The following RNF144B variants were observed in gnomAD, a reference collection of about 807,000 sequenced individuals.
The protein encoded by RNF144B is E3 ubiquitin-protein ligase RNF144B.
In RNF144B, 25 loss-of-function variants were observed where a neutral mutation model predicts 40.2. The observed-to-expected ratio is 0.62, with a 90% CI of 0.45 to 0.87. The LOEUF is 0.87. Among genes scored for constraint, RNF144B ranks in the 40% least tolerant of loss-of-function variants. RNF144B has a pLI of 0.00. For missense variants in RNF144B, 365 were observed against 373.7 expected, an observed-to-expected ratio of 0.98 and a Z score of 0.19; for synonymous variants, 145 against 136.3, an observed-to-expected ratio of 1.06 and a Z score of -0.44.
At position 18,463,277 on chromosome 6, in the gene RNF144B, T is replaced by C; in HGVS notation, c.682-14T>C. ...AACTGCATATTTACTGAAATCAATCTTTTTATTTTTCAGAATGACATTTTC... is the reference window on the plus strand; with the variant it reads ...AACTGCATATTTACTGAAATCAATCCTTTTATTTTTCAGAATGACATTTTC... On this transcript the variant is annotated splice_polypyrimidine_tract_variant and intron_variant, in intron 6 of 7. Transcript: ENST00000259939. 1.3e-6 allele frequency: 2 copies of C among 1,529,618 alleles called. No individual in the cohort carries two copies. The highest frequency in any genetic ancestry group is 2.2e-5 in the East Asian group (1 of 44,486). 94.8% of individuals were successfully genotyped at this position (1,529,618 alleles called of 1,614,324 possible). A position where few individuals can be genotyped will look rare whatever the true frequency, so the allele number is the denominator to read the frequency against.
intron 1 of RNF144B, among the ~76,000 whole-genome samples, chr6:18,388,731 A>G (rs1414324016): frequency 1.3e-5 from 2 of 152,190 alleles, no homozygotes; most frequent in Non-Finnish European, 2.9e-5. Flanking sequence ...AGCCACTTGT[A>G]GATAATTGTA....
intron 2 of RNF144B, among the ~76,000 whole-genome samples, chr6:18,404,878 T>C (rs754106312): frequency 2.0e-5 from 3 of 152,154 alleles, no homozygotes; most frequent in Non-Finnish European, 4.4e-5. Context: ...TCTAGTATCA[T>C]TTTAAGTTCC....
At chr6:18,417,380 A>G (rs1010151466) in intron 2 of RNF144B, among the ~76,000 whole-genome samples, 1 of 152,190 alleles carries the variant, frequency 6.6e-6, no homozygotes, top group Non-Finnish European at 1.5e-5. Flanking sequence ...ATGGACAGAT[A>G]GATCAATGGA....
chr6:18,389,779 C>CTT (rs1178301279), intron 1 of RNF144B, among the ~76,000 whole-genome samples: 3 of 152,176 alleles, frequency 2.0e-5, no homozygotes, highest in African/African-American at 4.8e-5. Flanking sequence ...ACAAGTCATG[C>CTT]TTTTCACTTG....
At position 18,441,989 on chromosome 6, in the gene RNF144B, C is replaced by T. The variant is rs937859520; in HGVS notation, c.331+2245C>T. Among the ~76,000 whole-genome samples, 9 of 152,090 alleles carry T rather than the reference C, an allele frequency of 5.9e-5. No homozygotes were observed. The highest frequency in any genetic ancestry group is 4.1e-4 in the South Asian group (2 of 4,830). ...TTTTTTCCCAAAGAGGTAATCATAC[C>T]GTTCTTCAGGAAATATCATCATACT... On this transcript the variant is annotated intron_variant, in intron 4 of 7. Transcript: ENST00000259939. This position sits in a 1 kb window ranked among gnomAD's most constrained non-coding sequence, Gnocchi z 4.9.
In RNF144B at chr6:18,446,936, A is replaced by C. The variant is rs1350945611; in HGVS notation, c.331+7192A>C. Among the ~76,000 whole-genome samples the C allele has an allele frequency of 1.3e-5, 2 of 151,420 alleles. No homozygotes were observed. Among genetic ancestry groups the C allele is most frequent in the Non-Finnish European group, 2.9e-5 (2 of 67,960 alleles). On this transcript the variant is annotated intron_variant, in intron 4 of 7. Transcript: ENST00000259939. This position sits in a 1 kb window ranked among gnomAD's most constrained non-coding sequence, Gnocchi z 4.7. Reference sequence around the variant, plus strand: ...ATGTCAGGACATCTCCATGACGGTAAATTATCCAATCCAAATGTCAATAGT... The same window carrying C: ...ATGTCAGGACATCTCCATGACGGTACATTATCCAATCCAAATGTCAATAGT...
chr6:18,387,757 C>T (rs1794489591), intron 1 of RNF144B, 127 bp downstream of exon 1: 1 of 631,552 alleles, frequency 1.6e-6, no homozygotes, highest in African/African-American at 1.9e-5. Context: ...CTCTAGTGCT[C>T]AAACCATACA....
rs537827248 is a variant in RNF144B at position 18,458,547 on chromosome 6, G to A, written c.537-1060G>A. On this transcript the variant is annotated intron_variant, in intron 5 of 7. Coordinates refer to ENST00000259939, the MANE Select transcript of RNF144B (RefSeq NM_182757.4). This position sits in a 1 kb window ranked among gnomAD's most constrained non-coding sequence, Gnocchi z 4.8. ...TCAAACCACTGTTGCCTACATTTTC[G>A]TGGCCATAGCAGGAAGCTCCGTGGG... Among the ~76,000 whole-genome samples, 24 of 152,214 alleles carry A rather than the reference G, an allele frequency of 1.6e-4. No homozygotes were observed. Among genetic ancestry groups the A allele is most frequent in the South Asian group, 2.1e-4 (1 of 4,826 alleles).
rs1795075911 is a variant in RNF144B at position 18,412,887 on chromosome 6, A to G, written c.165+13188A>G. On this transcript the variant is annotated intron_variant, in intron 2 of 7. Coordinates refer to ENST00000259939, the MANE Select transcript of RNF144B (RefSeq NM_182757.4). The surrounding 1 kb of genome is among the most constrained non-coding windows in gnomAD (Gnocchi z 4.2). ...TCTTTTTGGTTTGACTCTTCTGGAA[A>G]ATATGTGTGAGGTATTTACTACATG... Among the ~76,000 whole-genome samples the G allele has an allele frequency of 6.6e-6, 1 of 152,174 alleles. No individual in the cohort carries two copies. Among genetic ancestry groups the G allele is most frequent in the African/African-American group, 2.4e-5 (1 of 41,442 alleles).
At position 18,400,053 on chromosome 6, in the gene RNF144B, C is replaced by T. The variant is rs1263092290; in HGVS notation, c.165+354C>T. ...TTGGGAGGCCGAGGCGGGCGGATCA[C>T]AAGGTCAGAAGATCGAGACCATCCT... is the stretch of plus-strand genomic sequence containing the variant. On this transcript the variant is annotated intron_variant, in intron 2 of 7. Coordinates refer to ENST00000259939, the MANE Select transcript of RNF144B (RefSeq NM_182757.4). This position sits in a 1 kb window ranked among gnomAD's most constrained non-coding sequence, Gnocchi z 5.6. 2.0e-5 allele frequency among the ~76,000 whole-genome samples: 3 copies of T among 152,060 alleles called. No individual in the cohort carries two copies. In the East Asian group the frequency reaches 5.8e-4, roughly 29 times the overall value.
chr6:18,392,982 G>A (rs572062723), intron 1 of RNF144B, among the ~76,000 whole-genome samples: 2 of 152,094 alleles, frequency 1.3e-5, no homozygotes, highest in East Asian at 1.9e-4. Context: ...TTAGCTGGGC[G>A]TGATGGCGGG....
In RNF144B at chr6:18,468,402, G is replaced by T. The variant is rs930743280; in HGVS notation, c.*3335G>T. On this transcript the variant is annotated 3_prime_UTR_variant, in exon 8 of 8. Coordinates refer to ENST00000259939, the MANE Select transcript of RNF144B (RefSeq NM_182757.4). ...ACTTGGAGTCTGTACTTTGAAAGAG[G>T]CCTTTGAAAAACAAATAATTCTGTG... 6.6e-6 allele frequency: 1 copy of T among 152,134 alleles called. No individual in the cohort carries two copies. Among genetic ancestry groups the T allele is most frequent in the Non-Finnish European group, 1.5e-5 (1 of 68,020 alleles). The allele number at this position is 152,134 out of a possible 1,614,324, so 9.4% of individuals were successfully genotyped here.
At chr6:18,415,681 T>C (rs888159831) in intron 2 of RNF144B, among the ~76,000 whole-genome samples, 2 of 152,190 alleles carry the variant, frequency 1.3e-5, no homozygotes, top group Non-Finnish European at 2.9e-5. Flanking sequence ...TGCTGTCCTT[T>C]GCATGGTGTA....
chr6:18,392,550 G>A (rs1346748831), intron 1 of RNF144B, among the ~76,000 whole-genome samples: 2 of 151,944 alleles, frequency 1.3e-5, no homozygotes, highest in Admixed American at 1.3e-4. Flanking sequence ...AAGTTACAAA[G>A]TTGTGATCTC....
chr6:18,410,319 G>C lies in RNF144B; in HGVS notation c.165+10620G>C, dbSNP rs2113475740. 6.6e-6 allele frequency among the ~76,000 whole-genome samples: 1 copy of C among 152,294 alleles called. No individual in the cohort carries two copies. The highest frequency in any genetic ancestry group is 1.5e-5 in the Non-Finnish European group (1 of 68,018). On this transcript the variant is annotated intron_variant, in intron 2 of 7. Coordinates refer to ENST00000259939, the MANE Select transcript of RNF144B (RefSeq NM_182757.4). This position sits in a 1 kb window ranked among gnomAD's most constrained non-coding sequence, Gnocchi z 4.6. The stretch of plus-strand genomic sequence containing the variant: ...AGGCATGGTGTTAATTGTGGAGCAA[G>C]TGGCAGTCATCAGACACAACCAGCC...
chr6:18,434,332 T>G lies in RNF144B; in HGVS notation c.271-5352T>G, dbSNP rs1233435514. On this transcript the variant is annotated intron_variant, in intron 3 of 7. Coordinates refer to ENST00000259939, the MANE Select transcript of RNF144B (RefSeq NM_182757.4). The surrounding 1 kb of genome is among the most constrained non-coding windows in gnomAD (Gnocchi z 4.1). ...ACTTTTGTGGTGAGCAGGCTTCACT[T>G]TCTGCCTCCCTTTTTTGCTTTGTTT... is the stretch of plus-strand genomic sequence containing the variant. Among the ~76,000 whole-genome samples, 1 of 152,102 alleles carries G rather than the reference T, an allele frequency of 6.6e-6. No homozygotes were observed. The highest frequency in any genetic ancestry group is 1.5e-5 in the Non-Finnish European group (1 of 67,986).
At chr6:18,462,186 A>T (rs1042390518) in intron 6 of RNF144B, among the ~76,000 whole-genome samples, 9 of 152,258 alleles carry the variant, frequency 5.9e-5, no homozygotes, top group African/African-American at 1.9e-4. Context: ...AAAAAAGCCT[A>T]ATCACCTCTT....
intron 4 of RNF144B, among the ~76,000 whole-genome samples, chr6:18,440,811 A>T (rs7770457): frequency 0.16 from 21,785 of 140,106 alleles, 1,780 homozygotes; most frequent in South Asian, 0.24. Context: ...TTTTTTTTTA[A>T]AAATCCAGCA....
At chr6:18,430,011 C>G (rs962954757) in intron 3 of RNF144B, among the ~76,000 whole-genome samples, 10 of 152,196 alleles carry the variant, frequency 6.6e-5, no homozygotes, top group Admixed American at 6.5e-4. Flanking sequence ...GCTATGAAAT[C>G]TTAGTGAATT....
Sources: allele counts gnomAD v4.1 joint callset (sites outside exome capture counted in the v4.1 genomes callset), GRCh38; gene constraint gnomAD v4.1.1; non-coding constraint Gnocchi (gnomAD v3.1); transcripts MANE v1.5; gene names NCBI Gene and HGNC (gene_info 2026-07-23, HGNC 2026-07-21).